The following WSCD2 variants were observed in gnomAD, a reference collection of about 807,000 sequenced individuals.
WSCD2 encodes sialate:O-sulfotransferase 2.
A neutral mutation model predicts 55.7 loss-of-function variants in WSCD2; 28 were observed. The observed-to-expected ratio is 0.50, with a 90% confidence interval of 0.37 to 0.69. WSCD2 has a LOEUF of 0.69. WSCD2 is among the 30% of genes least tolerant of loss of function. The pLI is 0.00. For missense variants in WSCD2, 616 were observed against 762.1 expected (o/e 0.81, Z 2.26); for synonymous variants, 301 against 301.9 (o/e 1.00, Z 0.03).
At chr12:108,198,812 C>T (rs902593421) in intron 2 of WSCD2, among the ~76,000 whole-genome samples, 3 of 152,180 alleles carry the variant, frequency 2.0e-5, no homozygotes, top group Admixed American at 1.3e-4. Flanking sequence ...TTCATTGACT[C>T]ATTTAATTAC....
chr12:108,176,135 G>A (rs553473896), intron 1 of WSCD2, among the ~76,000 whole-genome samples: 3 of 152,238 alleles, frequency 2.0e-5, no homozygotes, highest in South Asian at 4.2e-4. Context: ...CACCACGCCC[G>A]GCCTATTGTT....
chr12:108,193,144 C>T (rs1489384054), intron 1 of WSCD2, among the ~76,000 whole-genome samples: 1 of 152,166 alleles, frequency 6.6e-6, no homozygotes, highest in Admixed American at 6.5e-5. Flanking sequence ...AGATATAGGT[C>T]TCCCTCATAG....
chr12:108,222,185 T>C (rs778342365), intron 4 of WSCD2, among the ~76,000 whole-genome samples: 25 of 152,208 alleles, frequency 1.6e-4, no homozygotes, highest in Non-Finnish European at 3.5e-4. Flanking sequence ...TATATGTGTA[T>C]GCTAAAAAAC....
chr12:108,181,935 T>C (rs1881825285), intron 1 of WSCD2, among the ~76,000 whole-genome samples: 2 of 152,214 alleles, frequency 1.3e-5, no homozygotes, highest in South Asian at 4.1e-4. Flanking sequence ...TTGCATGCCA[T>C]ATTCTCATCC....
intron 4 of WSCD2, among the ~76,000 whole-genome samples, chr12:108,223,102 T>G (rs879049442): frequency 6.6e-6 from 1 of 152,224 alleles, no homozygotes; most frequent in African/African-American, 2.4e-5. Context: ...CTCAACTGAT[T>G]GCATGAGGCT....
rs185273359 is a variant in WSCD2 at position 108,249,689 on chromosome 12, G to T, written c.*1346G>T. The T allele has an allele frequency of 1.3e-5, 2 of 152,740 alleles. No homozygotes were observed. The highest frequency in any genetic ancestry group is 3.9e-4 in the East Asian group (2 of 5,172). The allele number at this position is 152,740 out of a possible 1,614,324, so 9.5% of individuals were successfully genotyped here. A position where few individuals can be genotyped will look rare whatever the true frequency, so the allele number is the denominator to read the frequency against. On this transcript the variant is annotated 3_prime_UTR_variant, in exon 9 of 9. Transcript: ENST00000547525. Reference sequence around the variant, plus strand: ...CTGAAGCCTTGGAGTGCAGGTAAATGCTCATTCCCAAGTAGCAAAGAGACC... The same window carrying T: ...CTGAAGCCTTGGAGTGCAGGTAAATTCTCATTCCCAAGTAGCAAAGAGACC...
chr12:108,206,818 G>T (rs1306010840), intron 3 of WSCD2, among the ~76,000 whole-genome samples: 1 of 152,202 alleles, frequency 6.6e-6, no homozygotes, highest in African/African-American at 2.4e-5. Context: ...GATTGCATTT[G>T]TTGAATGTTC....
At chr12:108,239,889 T>A (rs1454498710) in intron 7 of WSCD2, among the ~76,000 whole-genome samples, 5 of 152,068 alleles carry the variant, frequency 3.3e-5, no homozygotes, top group Non-Finnish European at 5.9e-5. Flanking sequence ...AATTTTTTTT[T>A]AATTTTTTAT....
At chr12:108,202,581 T>G (rs1467827044) in intron 2 of WSCD2, among the ~76,000 whole-genome samples, 1 of 152,196 alleles carries the variant, frequency 6.6e-6, no homozygotes, top group Non-Finnish European at 1.5e-5. Context: ...AGGCCATTAT[T>G]CTTAGCAAAC....
At chr12:108,212,767 A>T (rs562894884) in intron 4 of WSCD2, among the ~76,000 whole-genome samples, 1 of 152,244 alleles carries the variant, frequency 6.6e-6, no homozygotes, top group East Asian at 1.9e-4. Flanking sequence ...TGTGTGGCAC[A>T]ATTATTTGGG....
chr12:108,159,674 C>T (rs540347317), intron 1 of WSCD2, among the ~76,000 whole-genome samples: 1 of 152,210 alleles, frequency 6.6e-6, no homozygotes, highest in Admixed American at 6.5e-5. Context: ...ATCATCTGAG[C>T]GTGAGGGATT....
At chr12:108,186,720 AT>A (rs1242408167) in intron 1 of WSCD2, among the ~76,000 whole-genome samples, 1 of 152,256 alleles carries the variant, frequency 6.6e-6, no homozygotes, top group East Asian at 1.9e-4. Context: ...CTTTGGGTAA[AT>A]TCCCATGAGC....
chr12:108,152,476 G>T (rs1878108499), intron 1 of WSCD2, among the ~76,000 whole-genome samples: 7 of 152,138 alleles, frequency 4.6e-5, no homozygotes, highest in Admixed American at 3.9e-4. Flanking sequence ...TACAGGGTCG[G>T]GCAGGTGCTG....
intron 1 of WSCD2, among the ~76,000 whole-genome samples, chr12:108,155,672 A>G (rs975682663): frequency 6.6e-6 from 1 of 152,182 alleles, no homozygotes; most frequent in African/African-American, 2.4e-5. Flanking sequence ...TCTGAGCCTC[A>G]TTGTTCTTAT....
At chr12:108,161,974 C>T (rs1211900296) in intron 1 of WSCD2, among the ~76,000 whole-genome samples, 1 of 152,218 alleles carries the variant, frequency 6.6e-6, no homozygotes, top group Non-Finnish European at 1.5e-5. Flanking sequence ...TCATCTCAAG[C>T]CCTCACCATG....
At chr12:108,194,328 T>C (rs1032715108) in intron 1 of WSCD2, among the ~76,000 whole-genome samples, 6 of 152,202 alleles carry the variant, frequency 3.9e-5, no homozygotes, top group Non-Finnish European at 8.8e-5. Context: ...GGGTGAGCCA[T>C]GCTGGTGACC....
chr12:108,243,418 T>C (rs1415928251), intron 8 of WSCD2, among the ~76,000 whole-genome samples: 1 of 152,154 alleles, frequency 6.6e-6, no homozygotes, highest in East Asian at 1.9e-4. Flanking sequence ...TTTGTATTTT[T>C]AGTAGAGACA....
intron 2 of WSCD2, among the ~76,000 whole-genome samples, chr12:108,203,605 A>C (rs191432203): frequency 6.6e-6 from 1 of 152,340 alleles, no homozygotes; most frequent in Admixed American, 6.5e-5. Context: ...TTGAAGGCAC[A>C]AACAGTCCAC....
At chr12:108,151,976 G>A (rs952647542) in intron 1 of WSCD2, among the ~76,000 whole-genome samples, 3 of 152,184 alleles carry the variant, frequency 2.0e-5, no homozygotes, top group Non-Finnish European at 4.4e-5. Context: ...ATGGCTCTGC[G>A]ATAGGAGGGC....
Sources: allele counts gnomAD v4.1 joint callset (sites outside exome capture counted in the v4.1 genomes callset), GRCh38; gene constraint gnomAD v4.1.1; transcripts MANE v1.5; gene names NCBI Gene and HGNC (gene_info 2026-07-23, HGNC 2026-07-21).